PCDHGA12: variants seen among roughly 807,000 people sequenced by gnomAD.
PCDHGA12 encodes the protein protocadherin gamma subfamily A, 12.
PCDHGA12 carries 43 observed loss-of-function variants against 61.1 expected under a neutral mutation model. That is an observed-to-expected ratio of 0.70 (90% CI 0.55 to 0.91). The LOEUF is 0.91. PCDHGA12 is among the 40% of genes least tolerant of loss of function. PCDHGA12 has a pLI of 0.00. For missense variants in PCDHGA12, 1,236 were observed against 1,227.7 expected (o/e 1.01, Z -0.10); for synonymous variants, 520 against 542.9 (o/e 0.96, Z 0.59).
In PCDHGA12 at chr5:141,433,192, A is replaced by G. The variant is rs756991371; in HGVS notation, c.2424+9A>G. 1 of 1,585,516 alleles carries G rather than the reference A, an allele frequency of 6.3e-7. No homozygotes were observed. The highest frequency in any genetic ancestry group is 8.6e-7 in the Non-Finnish European group (1 of 1,168,834). On this transcript the variant is annotated intron_variant, in intron 1 of 3. Transcript: ENST00000252085. ...GTCATGGGTTAATTGAGGTGAGTTTATATCAAATCTTCTTTCTTTTTTTTT... is the reference window on the plus strand; with the variant it reads ...GTCATGGGTTAATTGAGGTGAGTTTGTATCAAATCTTCTTTCTTTTTTTTT...
intron 1 of PCDHGA12, among the ~76,000 whole-genome samples, chr5:141,465,779 GT>G (rs879859429): frequency 5.2e-4 from 76 of 145,138 alleles, no homozygotes; most frequent in South Asian, 1.1e-3. Flanking sequence ...TCTTGTTACA[GT>G]TTTTTTTTTT....
chr5:141,431,265 G>A lies in PCDHGA12; in HGVS notation c.506G>A (p.Ser169Asn). 2 of 1,614,168 alleles carry A rather than the reference G, an allele frequency of 1.2e-6. No homozygotes were observed. Residue 169 changes from serine (S) to asparagine (N), a missense_variant, in exon 1 of 4, where the codon AGC (serine) becomes AAC (asparagine). Transcript: ENST00000252085. This position sits in a 1 kb window ranked among gnomAD's most constrained non-coding sequence, Gnocchi z 4.8. Reference protein sequence around the residue: ...DPDIGKNSLQSYELSPNTHFS... With the variant: ...DPDIGKNSLQNYELSPNTHFS... ...GATATCGGGAAGAACTCTCTGCAGA[G>A]CTACGAGCTCAGCCCGAACACTCAC...
intron 1 of PCDHGA12, chr5:141,442,400 C>G (rs1478739190): frequency 6.6e-6 from 1 of 152,224 alleles, no homozygotes; most frequent in Admixed American, 6.5e-5. Context: ...TCCTACGAAT[C>G]CAGGGCTGAG....
At chr5:141,459,814 T>C (rs757306281) in intron 1 of PCDHGA12, among the ~76,000 whole-genome samples, 1 of 152,256 alleles carries the variant, frequency 6.6e-6, no homozygotes, top group African/African-American at 2.4e-5. Flanking sequence ...CTAGAGACAC[T>C]GAGCAACTTT....
chr5:141,460,669 TTATATATC>T (rs1176483278), intron 1 of PCDHGA12, among the ~76,000 whole-genome samples: 1 of 152,032 alleles, frequency 6.6e-6, no homozygotes, highest in African/African-American at 2.4e-5. Flanking sequence ...GTAAACACAG[TTATATATC>T]TATATATCCA....
At chr5:141,453,287 A>ATTT (rs2098760771) in intron 1 of PCDHGA12, among the ~76,000 whole-genome samples, 3 of 151,368 alleles carry the variant, frequency 2.0e-5, no homozygotes, top group African/African-American at 7.3e-5. Flanking sequence ...CTAATTTTTT[A>ATTT]ATTATTTATT....
chr5:141,495,221 G>A lies in PCDHGA12; in HGVS notation c.2483+356G>A, dbSNP rs376660961. On this transcript the variant is annotated intron_variant, in intron 2 of 3. Coordinates refer to ENST00000252085, the MANE Select transcript of PCDHGA12 (RefSeq NM_003735.3). ...ACTGCCTAACCCCCTCCCCTGAGTT[G>A]AGCTGGGCTCCATTATGACCTGGGG... Among the ~76,000 whole-genome samples, 26 of 152,300 alleles carry A rather than the reference G, an allele frequency of 1.7e-4. 1 individual carries two copies. The East Asian group carries it at 4.4e-3, about 26-fold the overall frequency.
At chr5:141,443,538 G>C (rs768723399) in intron 1 of PCDHGA12, among the ~76,000 whole-genome samples, 11 of 152,118 alleles carry the variant, frequency 7.2e-5, no homozygotes. Flanking sequence ...TTTAAAGCTT[G>C]GGAAATTGTT....
rs2099394923 is a variant in PCDHGA12 at position 141,476,611 on chromosome 5, A to G, written c.2425-18196A>G. On this transcript the variant is annotated intron_variant, in intron 1 of 3. Coordinates refer to ENST00000252085, the MANE Select transcript of PCDHGA12 (RefSeq NM_003735.3). The surrounding 1 kb of genome is among the most constrained non-coding windows in gnomAD (Gnocchi z 7.6). ...AGAGCGCGCACGATCCCGATGTGGG[A>G]AGCAACTCTTTACAAACCTATGAGC... 6.2e-7 allele frequency: 1 copy of G among 1,614,092 alleles called. No individual in the cohort carries two copies. Among genetic ancestry groups the G allele is most frequent in the Non-Finnish European group, 8.5e-7 (1 of 1,180,042 alleles).
At position 141,477,217 on chromosome 5, in the gene PCDHGA12, G is replaced by T. The variant is rs745497348; in HGVS notation, c.2425-17590G>T. On this transcript the variant is annotated intron_variant, in intron 1 of 3. Transcript: ENST00000252085. This position sits in a 1 kb window ranked among gnomAD's most constrained non-coding sequence, Gnocchi z 4.9. ...GCCCAGTACCCGAGGATGCCCCTCTGGGGACTGTCATCGCTTTGCTCAGTG... is the reference window on the plus strand; with the variant it reads ...GCCCAGTACCCGAGGATGCCCCTCTTGGGACTGTCATCGCTTTGCTCAGTG... The T allele has an allele frequency of 8.1e-6, 13 of 1,614,178 alleles. No homozygotes were observed. The African/African-American group carries it at 1.7e-4, about 22-fold the overall frequency.
intron 1 of PCDHGA12, among the ~76,000 whole-genome samples, chr5:141,481,593 G>A (rs575017133): frequency 1.3e-5 from 2 of 152,172 alleles, no homozygotes; most frequent in African/African-American, 2.4e-5. Context: ...TGAGGCCAGC[G>A]GATCACCTGA....
At chr5:141,439,727 C>G (rs940325016) in intron 1 of PCDHGA12, 2 of 152,406 alleles carry the variant, frequency 1.3e-5, no homozygotes, top group Non-Finnish European at 2.9e-5. Context: ...AAATTATAAG[C>G]AGGAACGGAA....
chr5:141,503,960 T>TTC (rs2099834474), intron 2 of PCDHGA12, among the ~76,000 whole-genome samples: 1 of 152,172 alleles, frequency 6.6e-6, no homozygotes, highest in Admixed American at 6.5e-5. Flanking sequence ...CCTACAGCCT[T>TTC]TCCCATGGTG....
intron 1 of PCDHGA12, among the ~76,000 whole-genome samples, chr5:141,466,360 G>A (rs2099121274): frequency 6.6e-6 from 1 of 152,070 alleles, no homozygotes; most frequent in South Asian, 2.1e-4. Context: ...TAATCTAGAT[G>A]TAATGGTTTT....
chr5:141,448,565 AT>A (rs2098595794), intron 1 of PCDHGA12, among the ~76,000 whole-genome samples: 1 of 152,070 alleles, frequency 6.6e-6, no homozygotes, highest in Non-Finnish European at 1.5e-5. Flanking sequence ...ATATATTTTT[AT>A]TTCCCCATTT....
Position 141,485,036 on chromosome 5 carries a change from C to A in PCDHGA12, c.2425-9771C>A. ...CGCCACCAGCAAAAACGGCGCGTAA[C>A]CCTTGCGGCGCCGGCCGAACCGCGC... On this transcript the variant is annotated intron_variant, in intron 1 of 3. Coordinates refer to ENST00000252085, the MANE Select transcript of PCDHGA12 (RefSeq NM_003735.3). The surrounding 1 kb of genome is among the most constrained non-coding windows in gnomAD (Gnocchi z 5.7). 1 of 698,458 alleles carries A rather than the reference C, an allele frequency of 1.4e-6. No individual in the cohort carries two copies. The highest frequency in any genetic ancestry group is 2.5e-6 in the Non-Finnish European group (1 of 399,316). The allele number at this position is 698,458 out of a possible 1,614,324, so 43.3% of individuals were successfully genotyped here. A position where few individuals can be genotyped will look rare whatever the true frequency, so the allele number is the denominator to read the frequency against.
chr5:141,497,110 C>T (rs964183820), intron 2 of PCDHGA12, among the ~76,000 whole-genome samples: 2 of 151,738 alleles, frequency 1.3e-5, no homozygotes, highest in African/African-American at 2.4e-5. Context: ...TGCTTGAACC[C>T]GGAAGGCAGA....
chr5:141,497,237 T>C (rs933112169), intron 2 of PCDHGA12, among the ~76,000 whole-genome samples: 3 of 152,038 alleles, frequency 2.0e-5, no homozygotes, highest in Non-Finnish European at 4.4e-5. Context: ...AGAAGGCTTC[T>C]AGGAGGAGGT....
chr5:141,512,262 C>G lies in PCDHGA12; in HGVS notation c.*1089C>G, dbSNP rs925517361. On this transcript the variant is annotated 3_prime_UTR_variant, in exon 4 of 4. Transcript: ENST00000252085. ...GAGGGGCCTCTGTGGGTGCTGGGTA[C>G]TCCAGAGGTGCCACTGGTGGAAGGG... 1 of 152,712 alleles carries G rather than the reference C, an allele frequency of 6.5e-6. No homozygotes were observed. The highest frequency in any genetic ancestry group is 2.4e-5 in the African/African-American group (1 of 41,452). 9.5% of individuals were successfully genotyped at this position (152,712 alleles called of 1,614,324 possible).
Sources: gnomAD v4.1 joint callset for allele counts (sites outside exome capture counted in the v4.1 genomes callset) on GRCh38, gnomAD v4.1.1 for gene constraint, Gnocchi (gnomAD v3.1) non-coding constraint, MANE v1.5 for transcripts, NCBI Gene and HGNC (gene_info 2026-07-23, HGNC 2026-07-21) for gene names.